Variants in GFM2 observed in about 807,000 individuals in gnomAD.
GFM2 encodes GTP dependent ribosome recycling factor mitochondrial 2, also known as ribosome-releasing factor 2, mitochondrial.
A neutral mutation model predicts 95.4 loss-of-function variants in GFM2; 72 were observed. The ratio of observed to expected loss-of-function variants is 0.76; its 90% CI spans 0.62 to 0.92. The LOEUF (loss-of-function observed/expected upper bound fraction) is 0.92. GFM2 is among the 40% of genes least tolerant of loss of function. The pLI is 0.00. For missense variants in GFM2, 825 were observed against 924.1 expected, an observed-to-expected ratio of 0.89 and a Z score of 1.39; for synonymous variants, 276 against 317.5, an observed-to-expected ratio of 0.87 and a Z score of 1.39.
At chr5:74,746,667 A>G (rs985183239) in intron 8 of GFM2, among the ~76,000 whole-genome samples, 1 of 152,170 alleles carries the variant, frequency 6.6e-6, no homozygotes, top group Non-Finnish European at 1.5e-5. Flanking sequence ...CCTATAGAAC[A>G]CATGCCATCT....
intron 5 of GFM2, among the ~76,000 whole-genome samples, 163 bp downstream of exon 5, chr5:74,758,686 G>C (rs1744119733): frequency 6.6e-6 from 1 of 152,188 alleles, no homozygotes; most frequent in Admixed American, 6.5e-5. Context: ...AATCTAAGAA[G>C]ACCCTTTGGT....
Position 74,741,608 on chromosome 5 carries a change from A to G in GFM2, c.851T>C (p.Val284Ala). 6.5e-7 allele frequency: 1 copy of G among 1,550,116 alleles called. No individual in the cohort carries two copies. The highest frequency in any genetic ancestry group is 8.9e-7 in the Non-Finnish European group (1 of 1,129,188). ...AGCAAATTCATCATCCAAATCTGCA[A>G]CCTATAAAGAAAGGTTTTAGAGTTC... The part of the protein sequence containing the change: ...TEARNALIEQ[V>A]ADLDDEFADL... The change falls in exon 11 of 21, where the codon GTT (valine) becomes GCT (alanine). Residue 284 changes from valine (V) to alanine (A), a missense_variant and splice_region_variant. By Grantham distance (64) the Val-to-Ala change is moderately conservative. Transcript: ENST00000296805.
chr5:74,762,381 A>C (rs1304818017), intron 2 of GFM2, among the ~76,000 whole-genome samples: 1 of 152,154 alleles, frequency 6.6e-6, no homozygotes, highest in Non-Finnish European at 1.5e-5. Flanking sequence ...CACAAACTGA[A>C]TACCTTTTCC....
chr5:74,757,734 A>AAAG (rs1302824164), intron 5 of GFM2, among the ~76,000 whole-genome samples: 2 of 66,062 alleles, frequency 3.0e-5, no homozygotes, highest in Non-Finnish European at 5.0e-5. Flanking sequence ...ATGTCTCTAA[A>AAAG]AAAAAAAAAA....
Position 74,750,623 on chromosome 5 carries a change from ACACTCTTAGG to A in GFM2, c.465_474del (p.Leu156TrpfsTer14). 6.2e-7 allele frequency: 1 copy of A among 1,613,500 alleles called. No individual in the cohort carries two copies. The highest frequency in any genetic ancestry group is 1.1e-5 in the South Asian group (1 of 91,036). On this transcript the variant is annotated frameshift_variant, in exon 7 of 21. Coordinates refer to ENST00000296805, the MANE Select transcript of GFM2 (RefSeq NM_032380.5). LOFTEE classifies it high-confidence loss of function. ...TCAAATACAGCCACTGCACCATCCA[ACACTCTTAGG>A]CACCGCTCAACCTCCAAGGTAAAGT...
intron 15 of GFM2, among the ~76,000 whole-genome samples, chr5:74,735,994 CT>C (rs1012332913): frequency 2.6e-5 from 4 of 152,118 alleles, no homozygotes; most frequent in African/African-American, 9.7e-5. Context: ...GTATTATCTT[CT>C]TCCTTCCCCT....
intron 5 of GFM2, among the ~76,000 whole-genome samples, chr5:74,757,542 AAC>A (rs947863190): frequency 3.3e-5 from 5 of 152,056 alleles, no homozygotes; most frequent in African/African-American, 9.7e-5. Context: ...CAGCCTGAGC[AAC>A]ACACTGAGGC....
intron 17 of GFM2, among the ~76,000 whole-genome samples, chr5:74,726,569 T>G (rs188968867): frequency 1.3e-5 from 2 of 152,340 alleles, no homozygotes; most frequent in African/African-American, 4.8e-5. Flanking sequence ...TATTGTGTAT[T>G]TTTCCAGCAA....
At chr5:74,739,363 A>C (rs1163099235) in intron 12 of GFM2, among the ~76,000 whole-genome samples, 2 of 152,132 alleles carry the variant, frequency 1.3e-5, no homozygotes, top group African/African-American at 4.8e-5. Context: ...GAACACCATG[A>C]GATAGGTCCT....
intron 10 of GFM2, among the ~76,000 whole-genome samples, chr5:74,742,777 C>T (rs1743176626): frequency 6.6e-6 from 1 of 152,090 alleles, no homozygotes; most frequent in African/African-American, 2.4e-5. Context: ...AGCGATTCTC[C>T]TGCTTCAGCC....
chr5:74,750,696 TTCTTTTTAAC>T, intron 6 of GFM2, 29 bp from the exon 7 acceptor site: 1 of 1,521,512 alleles, frequency 6.6e-7, no homozygotes, highest in Non-Finnish European at 9.1e-7. Context: ...GTATAATGCC[TTCTTTTTAAC>T]AAAACCATCA....
At chr5:74,757,593 G>A (rs529386669) in intron 5 of GFM2, among the ~76,000 whole-genome samples, 2 of 152,000 alleles carry the variant, frequency 1.3e-5, no homozygotes, top group Non-Finnish European at 2.9e-5. Context: ...GCCAAGTGTG[G>A]TGGCACCTGC....
At position 74,721,426 on chromosome 5, in the gene GFM2, G is replaced by C; in HGVS notation, c.*229C>G. The C allele has an allele frequency of 1.4e-6, 1 of 708,936 alleles. No individual in the cohort carries two copies. Among genetic ancestry groups the C allele is most frequent in the Admixed American group, 2.1e-5 (1 of 47,246 alleles). 43.9% of individuals were successfully genotyped at this position (708,936 alleles called of 1,614,324 possible). A position where few individuals can be genotyped will look rare whatever the true frequency, so the allele number is the denominator to read the frequency against. Reference sequence around the variant, plus strand: ...ATAGTAATAACTTCATAGATGAACAGCATGATTCAGGTACAGTGGCTTTAA... The same window carrying C: ...ATAGTAATAACTTCATAGATGAACACCATGATTCAGGTACAGTGGCTTTAA... On this transcript the variant is annotated 3_prime_UTR_variant, in exon 21 of 21. Coordinates refer to ENST00000296805, the MANE Select transcript of GFM2 (RefSeq NM_032380.5).
intron 11 of GFM2, 61 bp downstream of exon 11, chr5:74,741,468 A>T: frequency 1.3e-6 from 1 of 787,324 alleles, no homozygotes; most frequent in Non-Finnish European, 2.1e-6. Flanking sequence ...TCAAAGGCAG[A>T]GAAATCAAAC....
Position 74,747,778 on chromosome 5 carries a change from G to A in GFM2, c.522C>T (p.Ala174=). 1 of 1,592,304 alleles carries A rather than the reference G, an allele frequency of 6.3e-7. No individual in the cohort carries two copies. Among genetic ancestry groups the A allele is most frequent in the Non-Finnish European group, 8.6e-7 (1 of 1,163,536 alleles). The change falls in exon 8 of 21, where the codon GCC becomes GCT. Residue 174 remains alanine, a splice_region_variant and synonymous_variant. Coordinates refer to ENST00000296805, the MANE Select transcript of GFM2 (RefSeq NM_032380.5). ...CTTGCCTCCATACTGTGAGAGTCTG[G>A]GCCTAAAGCAAAGATGAGGAAAAAA... is the stretch of plus-strand genomic sequence containing the variant. ...AVFDASAGVE[A]QTLTVWRQAD... is the part of the protein sequence containing the mutation.
chr5:74,733,322 C>T, intron 15 of GFM2: 2 of 298,468 alleles, frequency 6.7e-6, no homozygotes. Context: ...GAAACCCCGT[C>T]TTTACAAAAA....
intron 7 of GFM2, among the ~76,000 whole-genome samples, chr5:74,749,812 G>C (rs990740911): frequency 5.3e-5 from 8 of 151,912 alleles, no homozygotes; most frequent in African/African-American, 1.9e-4. Context: ...AAAGTTCCAG[G>C]AATCAACTTT....
At chr5:74,752,369 G>A (rs1306528448) in intron 5 of GFM2, among the ~76,000 whole-genome samples, 1 of 152,124 alleles carries the variant, frequency 6.6e-6, no homozygotes, top group African/African-American at 2.4e-5. Flanking sequence ...TAAAATGGTA[G>A]CTAGTTGCCC....
chr5:74,751,271 G>GT (rs1318373329), intron 6 of GFM2, 97 bp downstream of exon 6: 17 of 1,268,504 alleles, frequency 1.3e-5, no homozygotes, highest in South Asian at 5.9e-5. Flanking sequence ...TGCAACACAT[G>GT]TTTTTTTACC....
Sources: gnomAD v4.1 joint callset for allele counts (sites outside exome capture counted in the v4.1 genomes callset) on GRCh38, gnomAD v4.1.1 for gene constraint, MANE v1.5 for transcripts, NCBI Gene and HGNC (gene_info 2026-07-23, HGNC 2026-07-21) for gene names.